The following DPYD variants were observed in gnomAD, a reference collection of about 807,000 sequenced individuals.
The protein encoded by DPYD is dihydropyrimidine dehydrogenase.
DPYD carries 109 observed loss-of-function variants against 116.2 expected under a neutral mutation model. The observed-to-expected ratio is 0.94, with a 90% CI of 0.80 to 1.10. The LOEUF (loss-of-function observed/expected upper bound fraction) is 1.10. DPYD is among the 50% of genes least tolerant of loss of function. The pLI, the probability that DPYD is intolerant of heterozygous loss-of-function variation, is 0.00. For missense variants in DPYD, 1,302 were observed against 1,254.5 expected (o/e 1.04, Z -0.57); for synonymous variants, 440 against 432.0 (o/e 1.02, Z -0.23).
intron 16 of DPYD, among the ~76,000 whole-genome samples, chr1:97,337,809 A>C (rs1669380155): frequency 1.3e-5 from 2 of 152,142 alleles, no homozygotes; most frequent in Admixed American, 1.3e-4. Context: ...AGTACCATTT[A>C]ACTATGTTAA....
At chr1:97,779,649 C>T (rs1303321530) in intron 3 of DPYD, among the ~76,000 whole-genome samples, 3 of 151,992 alleles carry the variant, frequency 2.0e-5, no homozygotes, top group Non-Finnish European at 4.4e-5. Context: ...GCATTAGTTG[C>T]TAAAGTACTT....
intron 8 of DPYD, among the ~76,000 whole-genome samples, chr1:97,638,633 T>A (rs1657703569): frequency 6.6e-6 from 1 of 152,002 alleles, no homozygotes; most frequent in African/African-American, 2.4e-5. Context: ...TATTTGCCAA[T>A]GCAGGCTGTA....
At chr1:97,693,342 A>C (rs1439583732) in intron 6 of DPYD, among the ~76,000 whole-genome samples, 1 of 151,690 alleles carries the variant, frequency 6.6e-6, no homozygotes, top group Non-Finnish European at 1.5e-5. Context: ...GCAAGGTATC[A>C]AACACCATAA....
At chr1:97,200,512 G>A (rs891655216) in intron 19 of DPYD, among the ~76,000 whole-genome samples, 1 of 152,032 alleles carries the variant, frequency 6.6e-6, no homozygotes, top group African/African-American at 2.4e-5. Context: ...GAATAAGAAG[G>A]GTTGTTCATC....
In DPYD at chr1:97,382,443, T is replaced by C; in HGVS notation, c.1924A>G (p.Met642Val). The C allele has an allele frequency of 1.3e-6, 2 of 1,593,150 alleles. No homozygotes were observed. The highest frequency in any genetic ancestry group is 1.7e-6 in the Non-Finnish European group (2 of 1,169,532). ...FPDNIVIASI[M>V]CSYNKNDWTE... Reference sequence around the variant, plus strand: ...CAGTCATTTTTATTGTAACTGCACATAATGCTAGCAATCACAATCTTTAAA... The same window carrying C: ...CAGTCATTTTTATTGTAACTGCACACAATGCTAGCAATCACAATCTTTAAA... Residue 642 changes from methionine (M) to valine (V), a missense_variant, in exon 15 of 23, where the codon ATG becomes GTG. Physicochemically the swap from Met to Val is conservative, Grantham distance 21. Transcript: ENST00000370192.
At chr1:97,132,879 T>C (rs1653443259) in intron 20 of DPYD, among the ~76,000 whole-genome samples, 1 of 152,120 alleles carries the variant, frequency 6.6e-6, no homozygotes, top group African/African-American at 2.4e-5. Context: ...CTTTAAAGAA[T>C]TTCTTTTCCA....
chr1:97,367,096 G>A (rs909470099), intron 16 of DPYD, among the ~76,000 whole-genome samples: 1 of 152,118 alleles, frequency 6.6e-6, no homozygotes, highest in Non-Finnish European at 1.5e-5. Flanking sequence ...GCTGCTGAAG[G>A]AAGACTTTAT....
At chr1:97,466,841 GT>G (rs1677352183) in intron 13 of DPYD, among the ~76,000 whole-genome samples, 1 of 151,844 alleles carries the variant, frequency 6.6e-6, no homozygotes, top group African/African-American at 2.4e-5. Context: ...GATTCTAAAA[GT>G]TTTTCATATA....
At chr1:97,573,650 A>AAG in intron 11 of DPYD, 110 bp downstream of exon 11, 1 of 1,356,820 alleles carries the variant, frequency 7.4e-7, no homozygotes, top group Non-Finnish European at 1.0e-6. Flanking sequence ...TCTTAACTAG[A>AAG]AGAGGAAAAT....
At chr1:97,360,024 T>A (rs547238239) in intron 16 of DPYD, among the ~76,000 whole-genome samples, 18 of 150,812 alleles carry the variant, frequency 1.2e-4, no homozygotes, top group Admixed American at 1.2e-3. Context: ...AAACTGGATA[T>A]TCAAGACCCA....
chr1:97,174,453 C>T (rs550377752), intron 20 of DPYD, among the ~76,000 whole-genome samples: 3 of 152,258 alleles, frequency 2.0e-5, no homozygotes, highest in Non-Finnish European at 2.9e-5. Context: ...TGTGAAAGGC[C>T]GGAAGTCTTC....
intron 3 of DPYD, among the ~76,000 whole-genome samples, chr1:97,809,388 C>G (rs1668239984): frequency 6.6e-6 from 1 of 152,162 alleles, no homozygotes; most frequent in African/African-American, 2.4e-5. Context: ...CTGTTAACCA[C>G]CCTCACCACA....
At chr1:97,282,302 T>C (rs983722228) in intron 18 of DPYD, among the ~76,000 whole-genome samples, 1 of 152,108 alleles carries the variant, frequency 6.6e-6, no homozygotes, top group African/African-American at 2.4e-5. Flanking sequence ...CTTTTTTTGA[T>C]ATATAAAAAA....
intron 1 of DPYD, among the ~76,000 whole-genome samples, chr1:97,903,043 A>G (rs1385238203): frequency 6.6e-6 from 1 of 151,904 alleles, no homozygotes; most frequent in Admixed American, 6.6e-5. Context: ...GGCACAGAAG[A>G]GAATTTGACT....
intron 8 of DPYD, among the ~76,000 whole-genome samples, chr1:97,643,566 C>A (rs1658060409): frequency 6.6e-6 from 1 of 152,062 alleles, no homozygotes; most frequent in Admixed American, 6.5e-5. Context: ...ACCATTTGAC[C>A]CAGCAATCCC....
At chr1:97,891,644 G>A (rs1672782408) in intron 1 of DPYD, among the ~76,000 whole-genome samples, 1 of 151,794 alleles carries the variant, frequency 6.6e-6, no homozygotes, top group Non-Finnish European at 1.5e-5. Flanking sequence ...GGGCAAAAAA[G>A]AGAAGCCTGT....
At position 97,573,765 on chromosome 1, in the gene DPYD, G is replaced by T. The variant is rs763984510; in HGVS notation, c.1334C>A (p.Pro445His). 6.2e-7 allele frequency: 1 copy of T among 1,613,416 alleles called. No homozygotes were observed. Among genetic ancestry groups the T allele is most frequent in the Non-Finnish European group, 8.5e-7 (1 of 1,179,492 alleles). The change falls in exon 11 of 23, where the codon CCT (proline) becomes CAT (histidine). Residue 445 changes from proline (P) to histidine (H), a missense_variant. By Grantham distance (77) the Pro-to-His change is moderately conservative. Coordinates refer to ENST00000370192, the MANE Select transcript of DPYD (RefSeq NM_000110.4). The stretch of plus-strand genomic sequence containing the variant: ...TTCAGCTCCCAGCACTGTACCTTTA[G>T]GATCACTCAGAACTGAACCAAAGGC... ...ISAFGSVLSD[P>H]KVKEALSPIK...
chr1:97,780,189 T>A (rs1666659014), intron 3 of DPYD, among the ~76,000 whole-genome samples: 1 of 152,206 alleles, frequency 6.6e-6, no homozygotes, highest in South Asian at 2.1e-4. Context: ...TCTTTTCGAA[T>A]TAAGCAGAAT....
intron 1 of DPYD, among the ~76,000 whole-genome samples, chr1:97,900,993 T>C (rs901839107): frequency 6.6e-5 from 10 of 151,888 alleles, no homozygotes; most frequent in African/African-American, 2.4e-4. Context: ...TTTTATAATG[T>C]CTTTTATTCG....
Sources: gnomAD v4.1 joint callset for allele counts (sites outside exome capture counted in the v4.1 genomes callset) on GRCh38, gnomAD v4.1.1 for gene constraint, MANE v1.5 for transcripts, NCBI Gene and HGNC (gene_info 2026-07-23, HGNC 2026-07-21) for gene names.